Variants in TRIO observed in about 807,000 individuals in gnomAD.
The protein encoded by TRIO is trio Rho guanine nucleotide exchange factor.
A neutral mutation model predicts 351.9 loss-of-function variants in TRIO; 58 were observed. The observed-to-expected ratio is 0.16, with a 90% CI of 0.13 to 0.21. TRIO has a LOEUF of 0.21. TRIO is among the 10% of genes least tolerant of loss of function. The pLI, the probability that TRIO is intolerant of heterozygous loss-of-function variation, is 1.00. For missense variants in TRIO, 3,201 were observed against 4,027.8 expected (o/e 0.79, Z 5.56); for synonymous variants, 1,758 against 1,595.7 (o/e 1.10, Z -2.42).
At chr5:14,506,002 G>C (rs984916785) in intron 55 of TRIO, among the ~76,000 whole-genome samples, 3 of 152,204 alleles carry the variant, frequency 2.0e-5, no homozygotes, top group Admixed American at 2.0e-4. Context: ...TGGCTTTGGA[G>C]GGTTGTCGTG....
At chr5:14,268,640 T>C (rs944720029) in intron 1 of TRIO, among the ~76,000 whole-genome samples, 3 of 152,210 alleles carry the variant, frequency 2.0e-5, no homozygotes, top group Non-Finnish European at 2.9e-5. Flanking sequence ...CAGATAGGGA[T>C]CTACAGCTGT....
intron 42 of TRIO, among the ~76,000 whole-genome samples, chr5:14,479,621 T>C (rs990131930): frequency 6.6e-6 from 1 of 152,088 alleles, no homozygotes; most frequent in Non-Finnish European, 1.5e-5. Context: ...CATTACAAAG[T>C]CAGAATAATT....
chr5:14,386,608 G>A lies in TRIO; in HGVS notation c.3571-830G>A, dbSNP rs574334401. ...CTTATTTGAAAACACTATAACAAAG[G>A]AAGCCTAATAGTAATAACCATCGAA... On this transcript the variant is annotated intron_variant, in intron 21 of 56. Transcript: ENST00000344204. Among the ~76,000 whole-genome samples the A allele has an allele frequency of 2.6e-5, 4 of 152,280 alleles. No individual in the cohort carries two copies. The South Asian group carries it at 6.2e-4, about 24-fold the overall frequency.
chr5:14,287,115 A>G (rs751324969), intron 4 of TRIO, 52 bp downstream of exon 4: 5 of 1,572,592 alleles, frequency 3.2e-6, no homozygotes, highest in Non-Finnish European at 4.3e-6. Flanking sequence ...GTGGTTTACT[A>G]AAAGCTATTG....
chr5:14,410,971 C>T (rs30608), intron 33 of TRIO, among the ~76,000 whole-genome samples: 67,107 of 152,166 alleles, frequency 0.44, 16,896 homozygotes, highest in African/African-American at 0.68. Flanking sequence ...CTTAACCTGA[C>T]ACAATGATCT....
intron 43 of TRIO, 144 bp from the exon 44 acceptor site, chr5:14,481,090 C>T (rs962772801): frequency 2.0e-5 from 16 of 819,704 alleles, no homozygotes; most frequent in Non-Finnish European, 2.8e-5. Flanking sequence ...ACTCAGGAGG[C>T]CAAAGCAAGA....
chr5:14,202,181 A>G (rs1431693143), intron 1 of TRIO, among the ~76,000 whole-genome samples: 3 of 152,130 alleles, frequency 2.0e-5, no homozygotes, highest in African/African-American at 2.4e-5. Context: ...AGCATATAGC[A>G]TATAGATAAC....
intron 1 of TRIO, among the ~76,000 whole-genome samples, chr5:14,203,331 A>G (rs960871259): frequency 6.6e-6 from 1 of 152,222 alleles, no homozygotes; most frequent in African/African-American, 2.4e-5. Context: ...GCTTTTTGGT[A>G]TCTTAAAAGT....
At chr5:14,147,559 A>T (rs1787589748) in intron 1 of TRIO, among the ~76,000 whole-genome samples, 1 of 152,180 alleles carries the variant, frequency 6.6e-6, no homozygotes, top group Admixed American at 6.5e-5. Context: ...GTTTGTAGTT[A>T]TTCTGAAGCA....
chr5:14,159,037 G>C (rs1241507427), intron 1 of TRIO, among the ~76,000 whole-genome samples: 2 of 152,164 alleles, frequency 1.3e-5, no homozygotes. Flanking sequence ...AGCTCAGGTG[G>C]CTATAGGGAC....
rs763159096 is a variant in TRIO at position 14,481,623 on chromosome 5, TG to T, written c.6465+6del. ...GGGCGGCTGCAAGGATTCGACGTAA[TG>T]CGGCTCTTGTTTTTTAAGAGAGCTC... On this transcript the variant is annotated splice_donor_region_variant and intron_variant, in intron 45 of 56. Coordinates refer to ENST00000344204, the MANE Select transcript of TRIO (RefSeq NM_007118.4). 1 of 1,614,060 alleles carries T rather than the reference TG, an allele frequency of 6.2e-7. No individual in the cohort carries two copies. Among genetic ancestry groups the T allele is most frequent in the African/African-American group, 1.3e-5 (1 of 74,924 alleles).
At chr5:14,434,342 C>T (rs1751416153) in intron 34 of TRIO, among the ~76,000 whole-genome samples, 2 of 151,914 alleles carry the variant, frequency 1.3e-5, no homozygotes, top group Admixed American at 1.3e-4. Context: ...TAATCATAAA[C>T]CCCTTTATTT....
At position 14,508,105 on chromosome 5, in the gene TRIO, C is replaced by G. The variant is rs980240232; in HGVS notation, c.8977C>G (p.Leu2993Val). 6.2e-7 allele frequency: 1 copy of G among 1,614,210 alleles called. No individual in the cohort carries two copies. Among genetic ancestry groups the G allele is most frequent in the Non-Finnish European group, 8.5e-7 (1 of 1,180,034 alleles). ...ACTTCTTAGTGGCGTGTCCCCCTTC[C>G]TGGATGACAGTGTGGAAGAGACCTG... ...YVLLSGVSPF[L>V]DDSVEETCLN... Residue 2993 changes from leucine (L) to valine (V), a missense_variant, in exon 57 of 57, where the codon CTG becomes GTG. Physicochemically the swap from Leu to Val is conservative, Grantham distance 32 (BLOSUM62 1). This residue lies in a region of TRIO where 233 missense variants were observed against 292.6 expected (regional missense o/e 0.80). Coordinates refer to ENST00000344204, the MANE Select transcript of TRIO (RefSeq NM_007118.4).
chr5:14,419,974 C>T lies in TRIO; in HGVS notation c.5156C>T (p.Ala1719Val). The T allele has an allele frequency of 6.2e-7, 1 of 1,614,198 alleles. No individual in the cohort carries two copies. Among genetic ancestry groups the T allele is most frequent in the Non-Finnish European group, 8.5e-7 (1 of 1,180,028 alleles). The change falls in exon 34 of 57, where the codon GCC becomes GTC. Residue 1719 changes from alanine (A) to valine (V), a missense_variant. Coordinates refer to ENST00000344204, the MANE Select transcript of TRIO (RefSeq NM_007118.4). ...GTCCCCTGTGGTTCACTGTGCATCGCCCACTCCAGAAGTAGCATGGAAATG... is the reference window on the plus strand; with the variant it reads ...GTCCCCTGTGGTTCACTGTGCATCGTCCACTCCAGAAGTAGCATGGAAATG... ...GLVPCGSLCI[A>V]HSRSSMEMEG...
intron 46 of TRIO, 21 bp downstream of exon 46, chr5:14,482,794 A>T: frequency 6.6e-7 from 1 of 1,521,548 alleles, no homozygotes; most frequent in African/African-American, 1.4e-5. Flanking sequence ...TCTCTGTGTG[A>T]TTTCTCTGTG....
At chr5:14,158,817 C>T (rs997855243) in intron 1 of TRIO, among the ~76,000 whole-genome samples, 4 of 151,974 alleles carry the variant, frequency 2.6e-5, no homozygotes, top group African/African-American at 4.8e-5. Flanking sequence ...GGCAACAGAG[C>T]GATGACACGC....
intron 32 of TRIO, 164 bp downstream of exon 32, chr5:14,406,154 G>C (rs1158719929): frequency 9.4e-7 from 1 of 1,065,186 alleles, no homozygotes; most frequent in South Asian, 1.7e-5. Context: ...AAACTGCTTT[G>C]TCAGAGATAA....
intron 2 of TRIO, among the ~76,000 whole-genome samples, chr5:14,276,876 G>T (rs1442012200): frequency 6.6e-6 from 1 of 152,102 alleles, no homozygotes; most frequent in Non-Finnish European, 1.5e-5. Context: ...TTAAGAAGAG[G>T]GAAATGAGGT....
intron 1 of TRIO, among the ~76,000 whole-genome samples, chr5:14,225,799 C>CG (rs1792969691): frequency 7.4e-6 from 1 of 135,270 alleles, no homozygotes; most frequent in Non-Finnish European, 1.6e-5. Context: ...CCCACCCCCC[C>CG]CCCCACCTCC....
Sources: gnomAD v4.1 joint callset for allele counts (sites outside exome capture counted in the v4.1 genomes callset) on GRCh38, gnomAD v4.1.1 for gene constraint, gnomAD v4.1.1 regional missense constraint, MANE v1.5 for transcripts, NCBI Gene and HGNC (gene_info 2026-07-23, HGNC 2026-07-21) for gene names.